The following SLC7A2 variants were observed in gnomAD, a reference collection of about 807,000 sequenced individuals.
SLC7A2 encodes solute carrier family 7 member 2, also known as cationic amino acid transporter 2.
SLC7A2 carries 48 observed loss-of-function variants against 58.9 expected under a neutral mutation model. The ratio of observed to expected loss-of-function variants is 0.82; its 90% CI spans 0.65 to 1.04. SLC7A2 has a LOEUF of 1.04. Among genes scored for constraint, SLC7A2 ranks in the 50% least tolerant of loss-of-function variants. The pLI is 0.00. For missense variants in SLC7A2, 1,029 were observed against 818.8 expected (o/e 1.26, Z -3.13); for synonymous variants, 363 against 314.5 (o/e 1.15, Z -1.63).
intron 4 of SLC7A2, among the ~76,000 whole-genome samples, chr8:17,545,465 CA>C (rs1185686148): frequency 3.2e-5 from 4 of 125,206 alleles, no homozygotes; most frequent in Non-Finnish European, 6.3e-5. Context: ...GGCTGGAGTA[CA>C]GTGGTACTGC....
chr8:17,538,748 T>C, intron 2 of SLC7A2: 1 of 1,584,488 alleles, frequency 6.3e-7, no homozygotes, highest in African/African-American at 1.4e-5. Flanking sequence ...TACTTATCTA[T>C]ACGATTTAAT....
chr8:17,549,799 A>G (rs1405028072), intron 5 of SLC7A2, among the ~76,000 whole-genome samples: 1 of 152,242 alleles, frequency 6.6e-6, no homozygotes, highest in Non-Finnish European at 1.5e-5. Context: ...AGTTTTTAAC[A>G]TATAATAAAA....
chr8:17,496,898 G>A (rs1299801895), upstream of SLC7A2, among the ~76,000 whole-genome samples: 2 of 151,778 alleles, frequency 1.3e-5, no homozygotes, highest in Admixed American at 6.6e-5. Flanking sequence ...ACGTGTGCTC[G>A]GCTCCAGGCA....
rs563510831 is a variant in SLC7A2 at position 17,546,956 on chromosome 8, G to A, written c.533-1722G>A. On this transcript the variant is annotated intron_variant, in intron 4 of 12. Transcript: ENST00000494857. Reference sequence around the variant, plus strand: ...AGCAAAGTAGGTGTTTTGGGTTAATGTTTAAGAGATTTTTTTCAAGGTAGA... The same window carrying A: ...AGCAAAGTAGGTGTTTTGGGTTAATATTTAAGAGATTTTTTTCAAGGTAGA... 2.7e-4 allele frequency among the ~76,000 whole-genome samples: 41 copies of A among 152,114 alleles called. 2 individuals carry two copies. The South Asian group carries it at 8.5e-3, about 32-fold the overall frequency.
At chr8:17,550,582 G>A in intron 6 of SLC7A2, 148 bp downstream of exon 6, 1 of 668,720 alleles carries the variant, frequency 1.5e-6, no homozygotes, top group Non-Finnish European at 2.4e-6. Flanking sequence ...ACGTGCTGCT[G>A]ATGATAAAAA....
Position 17,544,455 on chromosome 8 carries a change from A to G in SLC7A2, c.381A>G (p.Thr127=), listed in dbSNP as rs1364616012. ...WNLILSYVIG[T]SSVARAWSGT... The stretch of plus-strand genomic sequence containing the variant: ...TCTCTGTTCTGTTTTGGGAAGGTAC[A>G]TCAAGTGTTGCAAGAGCCTGGAGTG... Residue 127 remains threonine, a synonymous_variant, in exon 4 of 13, where the codon ACA becomes ACG. Coordinates refer to ENST00000494857, the MANE Select transcript of SLC7A2 (RefSeq NM_001370338.1). The G allele has an allele frequency of 9.9e-6, 16 of 1,613,968 alleles. No individual in the cohort carries two copies. The highest frequency in any genetic ancestry group is 1.4e-5 in the Non-Finnish European group (16 of 1,179,938).
At chr8:17,549,637 T>A (rs997710191) in intron 5 of SLC7A2, among the ~76,000 whole-genome samples, 1 of 152,206 alleles carries the variant, frequency 6.6e-6, no homozygotes, top group African/African-American at 2.4e-5. Flanking sequence ...CTTCAGACCT[T>A]GTTTTTTGGA....
intron 7 of SLC7A2, among the ~76,000 whole-genome samples, chr8:17,552,226 A>G (rs995201556): frequency 7.2e-5 from 11 of 152,062 alleles, no homozygotes; most frequent in African/African-American, 2.7e-4. Context: ...GTAGAAATAC[A>G]TATGGCATTG....
At chr8:17,538,615 A>G (rs1284700053) in intron 2 of SLC7A2, among the ~76,000 whole-genome samples, 2 of 152,228 alleles carry the variant, frequency 1.3e-5, no homozygotes, top group Non-Finnish European at 2.9e-5. Context: ...CCTCTTTACT[A>G]AATTATTTAA....
At chr8:17,540,812 G>C (rs528323528) in intron 2 of SLC7A2, among the ~76,000 whole-genome samples, 1 of 152,038 alleles carries the variant, frequency 6.6e-6, no homozygotes, top group Non-Finnish European at 1.5e-5. Flanking sequence ...AGGAAAAAAG[G>C]ATTTAAAAAA....
At chr8:17,505,855 C>G (rs1800344066) in intron 2 of SLC7A2, among the ~76,000 whole-genome samples, 1 of 152,072 alleles carries the variant, frequency 6.6e-6, no homozygotes, top group South Asian at 2.1e-4. Context: ...ATACTAAAGA[C>G]CAGTGGAAGC....
At chr8:17,558,853 C>T (rs1000760552) in intron 9 of SLC7A2, among the ~76,000 whole-genome samples, 1 of 152,162 alleles carries the variant, frequency 6.6e-6, no homozygotes, top group African/African-American at 2.4e-5. Flanking sequence ...AACTCTTCTA[C>T]AGCAAATAAA....
chr8:17,525,784 G>C (rs963248431), intron 2 of SLC7A2, among the ~76,000 whole-genome samples: 4 of 152,298 alleles, frequency 2.6e-5, no homozygotes, highest in African/African-American at 9.6e-5. Flanking sequence ...CTGCAAGCGG[G>C]ATTTGCTGAA....
chr8:17,520,859 C>A, intron 2 of SLC7A2: 1 of 259,978 alleles, frequency 3.8e-6, no homozygotes, highest in Non-Finnish European at 6.0e-6. Context: ...CCACACAATA[C>A]TGAAGAAAAA....
At chr8:17,552,773 C>A (rs1426605058) in intron 7 of SLC7A2, among the ~76,000 whole-genome samples, 2 of 152,068 alleles carry the variant, frequency 1.3e-5, no homozygotes, top group African/African-American at 4.8e-5. Flanking sequence ...CCTCAGCTAC[C>A]CTTATTTCAA....
At chr8:17,547,775 G>A (rs1320366964) in intron 4 of SLC7A2, among the ~76,000 whole-genome samples, 1 of 128,830 alleles carries the variant, frequency 7.8e-6, no homozygotes, top group South Asian at 2.8e-4. Context: ...TATATTTACT[G>A]GCACAAAAGA....
intron 10 of SLC7A2, among the ~76,000 whole-genome samples, chr8:17,561,375 T>C (rs891702761): frequency 2.0e-5 from 3 of 151,628 alleles, no homozygotes; most frequent in Admixed American, 2.0e-4. Flanking sequence ...GCAAAAGGGG[T>C]TTCTCCTTAG....
At chr8:17,561,687 C>T (rs1802994265) in intron 10 of SLC7A2, among the ~76,000 whole-genome samples, 1 of 152,140 alleles carries the variant, frequency 6.6e-6, no homozygotes, top group Non-Finnish European at 1.5e-5. Context: ...CAGATAATGC[C>T]AGTGAGTAAC....
At chr8:17,520,149 A>G (rs544230174) in intron 2 of SLC7A2, among the ~76,000 whole-genome samples, 8 of 152,328 alleles carry the variant, frequency 5.3e-5, no homozygotes, top group African/African-American at 1.9e-4. Flanking sequence ...TTAAATCTTG[A>G]AACATAGGTT....
Sources: allele counts gnomAD v4.1 joint callset (sites outside exome capture counted in the v4.1 genomes callset), GRCh38; gene constraint gnomAD v4.1.1; transcripts MANE v1.5; gene names NCBI Gene and HGNC (gene_info 2026-07-23, HGNC 2026-07-21).